Variants in LCOR observed in about 807,000 individuals in gnomAD.
LCOR encodes ligand-dependent corepressor.
Under a neutral mutation model 64.4 loss-of-function variants are expected in LCOR, and 14 were observed. That is an observed-to-expected ratio of 0.22 (90% confidence interval 0.14 to 0.34). LCOR has a LOEUF of 0.34. Among genes scored for constraint, LCOR ranks in the 10% least tolerant of loss-of-function variants. The probability of loss-of-function intolerance (pLI) is 1.00; values close to 1 mark genes in which losing one functional copy is unlikely to be tolerated. For synonymous variants in LCOR, 643 were observed against 642.5 expected (o/e 1.00, Z -0.01); for missense variants, 1,686 against 1,765.3 (o/e 0.96, Z 0.80).
At chr10:96,876,783 G>C (rs988913441) in intron 2 of LCOR, among the ~76,000 whole-genome samples, 9 of 152,006 alleles carry the variant, frequency 5.9e-5, no homozygotes, top group African/African-American at 9.7e-5. Context: ...TCCGCCTCCC[G>C]GGTTCAGTGA....
At chr10:96,962,342 C>T (rs978226791) in intron 7 of LCOR, 1 of 152,114 alleles carries the variant, frequency 6.6e-6, no homozygotes. Context: ...CCCTTTAAGT[C>T]TTCAGGGAAT....
chr10:96,914,951 G>A (rs562615708), intron 4 of LCOR, among the ~76,000 whole-genome samples: 2 of 152,324 alleles, frequency 1.3e-5, no homozygotes, highest in South Asian at 4.2e-4. Flanking sequence ...ATTTAAGGGA[G>A]TTAAGTCTGT....
chr10:96,956,304 G>A (rs1847782774), intron 7 of LCOR: 6 of 993,836 alleles, frequency 6.0e-6, no homozygotes, highest in Non-Finnish European at 7.2e-6. Context: ...AGGAAACAAA[G>A]CCCCCTTTTA....
intron 2 of LCOR, among the ~76,000 whole-genome samples, chr10:96,857,027 T>C (rs1217409778): frequency 6.6e-6 from 1 of 151,986 alleles, no homozygotes; most frequent in East Asian, 1.9e-4. Context: ...CTCTTACTCT[T>C]TTTTTTAGTG....
Position 96,907,367 on chromosome 10 carries a change from G to A in LCOR, c.-264+37G>A, listed in dbSNP as rs72819843. ...ATTTTTGGTATTTCAAATTCTTCCT[G>A]GTGCCATACATGATACGTTGGTGTT... On this transcript the variant is annotated intron_variant, in intron 3 of 7. Transcript: ENST00000421806. 0.058 allele frequency: 43,196 copies of A among 741,416 alleles called. 1,402 individuals carry two copies. Among genetic ancestry groups the A allele is most frequent in the East Asian group, 0.19 (1,428 of 7,648 alleles). 45.9% of individuals were successfully genotyped at this position (741,416 alleles called of 1,614,324 possible). A position where few individuals can be genotyped will look rare whatever the true frequency, so the allele number is the denominator to read the frequency against.
chr10:96,915,344 C>G (rs1846920561), intron 4 of LCOR, among the ~76,000 whole-genome samples: 1 of 152,156 alleles, frequency 6.6e-6, no homozygotes, highest in African/African-American at 2.4e-5. Context: ...CATGGTAAAA[C>G]CGTGTCTCTA....
intron 2 of LCOR, among the ~76,000 whole-genome samples, chr10:96,868,638 T>G (rs774370360): frequency 1.1e-4 from 17 of 152,156 alleles, no homozygotes; most frequent in Non-Finnish European, 2.2e-4. Flanking sequence ...CAGTGTAGTT[T>G]TAGGTCACTG....
intron 4 of LCOR, among the ~76,000 whole-genome samples, chr10:96,917,039 CG>C (rs1846963891): frequency 1.3e-5 from 2 of 152,236 alleles, no homozygotes; most frequent in East Asian, 3.9e-4. Context: ...TTTCCAGAGA[CG>C]TTTGGTATAG....
Position 96,859,431 on chromosome 10 carries a change from C to T in LCOR, c.-330+25952C>T, listed in dbSNP as rs1021566952. 4.6e-5 allele frequency among the ~76,000 whole-genome samples: 7 copies of T among 152,124 alleles called. No individual in the cohort carries two copies. In the South Asian group the frequency reaches 6.2e-4, roughly 14 times the overall value. On this transcript the variant is annotated intron_variant, in intron 2 of 7. Coordinates refer to ENST00000421806, the MANE Select transcript of LCOR (RefSeq NM_001346516.2). ...TTCACCATGTTGGCCAGGCTGGTCT[C>T]GAACTCTTGACCTCAGGTGATCCAC...
At chr10:96,915,406 A>G (rs1357606613) in intron 4 of LCOR, among the ~76,000 whole-genome samples, 1 of 152,174 alleles carries the variant, frequency 6.6e-6, no homozygotes, top group Non-Finnish European at 1.5e-5. Flanking sequence ...CTGTAGTCCC[A>G]GCTACTTGGG....
intron 2 of LCOR, among the ~76,000 whole-genome samples, chr10:96,877,523 C>T (rs1846188320): frequency 1.4e-5 from 2 of 144,414 alleles, no homozygotes; most frequent in South Asian, 4.4e-4. Flanking sequence ...GATCCTGTCT[C>T]AAAAAAATAA....
At chr10:96,914,030 T>C (rs1247845953) in intron 4 of LCOR, among the ~76,000 whole-genome samples, 1 of 152,168 alleles carries the variant, frequency 6.6e-6, no homozygotes, top group African/African-American at 2.4e-5. Context: ...ACCAGTGATA[T>C]GGTTGGAGCC....
chr10:96,906,355 A>G (rs1846727848), intron 2 of LCOR, among the ~76,000 whole-genome samples: 1 of 152,194 alleles, frequency 6.6e-6, no homozygotes, highest in South Asian at 2.1e-4. Context: ...TGTAATAACC[A>G]TTTGAGTTCC....
intron 2 of LCOR, among the ~76,000 whole-genome samples, chr10:96,835,815 C>G (rs1845432468): frequency 6.6e-6 from 1 of 152,054 alleles, no homozygotes; most frequent in African/African-American, 2.4e-5. Flanking sequence ...GGTGATGTTG[C>G]TGATTAAATG....
intron 2 of LCOR, among the ~76,000 whole-genome samples, chr10:96,846,810 A>G (rs1211959687): frequency 6.6e-6 from 1 of 152,214 alleles, no homozygotes; most frequent in Non-Finnish European, 1.5e-5. Flanking sequence ...CAAATGTACA[A>G]TCTTATCTAA....
intron 2 of LCOR, among the ~76,000 whole-genome samples, chr10:96,901,062 G>T (rs529502341): frequency 6.6e-6 from 1 of 151,876 alleles, no homozygotes; most frequent in Admixed American, 6.6e-5. Flanking sequence ...GGTGGCGGGC[G>T]CCTATAGTCG....
chr10:96,958,633 C>A, intron 7 of LCOR: 1 of 581,256 alleles, frequency 1.7e-6, no homozygotes, highest in Non-Finnish European at 3.1e-6. Flanking sequence ...TTGTAATATT[C>A]ATGTCTGTGA....
At chr10:96,885,900 T>G (rs1470831890) in intron 2 of LCOR, among the ~76,000 whole-genome samples, 1 of 152,080 alleles carries the variant, frequency 6.6e-6, no homozygotes, top group East Asian at 1.9e-4. Context: ...TTTTAAAGAT[T>G]GTGTTTGTTT....
chr10:96,872,790 C>T (rs1846093338), intron 2 of LCOR, among the ~76,000 whole-genome samples: 1 of 152,110 alleles, frequency 6.6e-6, no homozygotes, highest in Non-Finnish European at 1.5e-5. Context: ...CAATAATAGC[C>T]TTAGTGTTTC....
Sources: gnomAD v4.1 joint callset for allele counts (sites outside exome capture counted in the v4.1 genomes callset) on GRCh38, gnomAD v4.1.1 for gene constraint, MANE v1.5 for transcripts, NCBI Gene and HGNC (gene_info 2026-07-23, HGNC 2026-07-21) for gene names.